Variants in GRIK2 observed in about 807,000 individuals in gnomAD.
GRIK2 encodes the protein glutamate receptor ionotropic, kainate 2.
A neutral mutation model predicts 100.3 loss-of-function variants in GRIK2; 32 were observed. The ratio of observed to expected loss-of-function variants is 0.32; its 90% CI spans 0.24 to 0.43. The LOEUF (loss-of-function observed/expected upper bound fraction) is 0.43, where lower values mean the gene tolerates loss of function less well. GRIK2 is among the 20% of genes least tolerant of loss of function. The pLI is 1.00. For synonymous variants in GRIK2, 417 were observed against 389.4 expected, an observed-to-expected ratio of 1.07 and a Z score of -0.83; for missense variants, 843 against 1,114.9, an observed-to-expected ratio of 0.76 and a Z score of 3.47.
At chr6:101,970,378 T>C (rs1173332754) in intron 14 of GRIK2, among the ~76,000 whole-genome samples, 1 of 152,020 alleles carries the variant, frequency 6.6e-6, no homozygotes, top group Non-Finnish European at 1.5e-5. Context: ...CAAATTTTAT[T>C]GAAGTAGCAG....
rs552301246 is a variant in GRIK2 at position 102,045,243 on chromosome 6, G to A, written c.2311+9677G>A. ...CAAATAAACAAGGTAATGTGTTACA[G>A]AATTATGTGACAGATGAAACTATAA... On this transcript the variant is annotated intron_variant, in intron 15 of 16. Transcript: ENST00000369134. Among the ~76,000 whole-genome samples the A allele has an allele frequency of 5.3e-5, 8 of 152,122 alleles. No individual in the cohort carries two copies. The East Asian group carries it at 1.4e-3, about 26-fold the overall frequency.
chr6:101,651,586 T>C (rs1431091889), intron 4 of GRIK2, among the ~76,000 whole-genome samples: 1 of 152,140 alleles, frequency 6.6e-6, no homozygotes, highest in East Asian at 1.9e-4. Context: ...AAGGGAGGGC[T>C]ACAATTTTAA....
intron 2 of GRIK2, among the ~76,000 whole-genome samples, chr6:101,579,868 A>G (rs1028970401): frequency 6.6e-6 from 1 of 150,842 alleles, no homozygotes; most frequent in African/African-American, 2.4e-5. Context: ...AAAAAAAAAA[A>G]GAAATGCATT....
chr6:101,870,154 A>T (rs1785310840), intron 11 of GRIK2, among the ~76,000 whole-genome samples: 2 of 151,906 alleles, frequency 1.3e-5, no homozygotes, highest in South Asian at 4.1e-4. Context: ...ATCTTTGTTC[A>T]CTGTAGATTA....
intron 14 of GRIK2, among the ~76,000 whole-genome samples, chr6:102,014,903 A>T (rs531657038): frequency 6.6e-6 from 1 of 152,238 alleles, no homozygotes; most frequent in South Asian, 2.1e-4. Flanking sequence ...AGAAGAATGT[A>T]TATTCTGTTG....
intron 10 of GRIK2, among the ~76,000 whole-genome samples, chr6:101,838,973 A>G (rs12210032): frequency 0.11 from 15,792 of 146,964 alleles, 1,067 homozygotes; most frequent in Admixed American, 0.17. Context: ...TTTCTTAAAA[A>G]TAGTCTGGAA....
At chr6:101,802,786 C>G (rs1780754819) in intron 9 of GRIK2, among the ~76,000 whole-genome samples, 1 of 151,756 alleles carries the variant, frequency 6.6e-6, no homozygotes, top group Non-Finnish European at 1.5e-5. Context: ...CTTATGGTTG[C>G]ATAGACTTTC....
chr6:101,710,725 T>C (rs529820298), intron 7 of GRIK2, among the ~76,000 whole-genome samples: 23 of 151,910 alleles, frequency 1.5e-4, no homozygotes, highest in African/African-American at 5.5e-4. Context: ...TAGGCTGTCT[T>C]CACCTGGGGT....
chr6:102,050,763 AAGG>A (rs762242782), intron 15 of GRIK2, among the ~76,000 whole-genome samples: 22 of 151,504 alleles, frequency 1.5e-4, no homozygotes, highest in Non-Finnish European at 2.9e-4. Flanking sequence ...GGAGGGAAAA[AAGG>A]AGAAAAGGAG....
intron 14 of GRIK2, among the ~76,000 whole-genome samples, chr6:102,005,695 C>A (rs12055471): frequency 1.3e-5 from 2 of 152,042 alleles, no homozygotes; most frequent in East Asian, 1.9e-4. Context: ...TTTGCTTTTA[C>A]GCCAAACCTC....
At chr6:101,851,262 T>G (rs1784111062) in intron 10 of GRIK2, among the ~76,000 whole-genome samples, 1 of 152,040 alleles carries the variant, frequency 6.6e-6, no homozygotes, top group Admixed American at 6.6e-5. Flanking sequence ...GGAAATCAAA[T>G]TAACAGGTAG....
At chr6:101,909,384 T>TTTTG (rs1554284541) in intron 12 of GRIK2, among the ~76,000 whole-genome samples, 8 of 138,528 alleles carry the variant, frequency 5.8e-5, no homozygotes, top group East Asian at 2.1e-4. Flanking sequence ...TTCTTTTTCT[T>TTTTG]TTTTTTTTTT....
At chr6:102,047,798 G>A (rs893654458) in intron 15 of GRIK2, among the ~76,000 whole-genome samples, 3 of 151,728 alleles carry the variant, frequency 2.0e-5, no homozygotes, top group South Asian at 4.2e-4. Flanking sequence ...GCTATCTACA[G>A]TTTTAATGTA....
intron 2 of GRIK2, among the ~76,000 whole-genome samples, chr6:101,476,903 G>A (rs751809483): frequency 2.0e-5 from 3 of 152,272 alleles, no homozygotes; most frequent in Non-Finnish European, 4.4e-5. Flanking sequence ...CCAAGGCGCA[G>A]TAGCATGGCC....
intron 7 of GRIK2, among the ~76,000 whole-genome samples, chr6:101,758,105 C>T (rs1777247132): frequency 6.6e-6 from 1 of 152,062 alleles, no homozygotes; most frequent in Non-Finnish European, 1.5e-5. Flanking sequence ...CACCTCTAGT[C>T]CCAGCTACTT....
intron 8 of GRIK2, among the ~76,000 whole-genome samples, chr6:101,800,801 G>A (rs776935165): frequency 2.6e-4 from 39 of 152,126 alleles, no homozygotes; most frequent in South Asian, 1.9e-3. Context: ...CAGGTCTGGC[G>A]AGATGAAGAA....
At chr6:101,623,099 T>A (rs892684712) in intron 3 of GRIK2, among the ~76,000 whole-genome samples, 5 of 152,090 alleles carry the variant, frequency 3.3e-5, no homozygotes, top group African/African-American at 1.2e-4. Context: ...GTAATGCTAA[T>A]ATGGTTTTAC....
At chr6:101,431,222 C>G in intron 2 of GRIK2, 1 of 182,784 alleles carries the variant, frequency 5.5e-6, no homozygotes. Context: ...CCATGTTGTA[C>G]CAGTTGGAAA....
intron 14 of GRIK2, among the ~76,000 whole-genome samples, chr6:102,031,937 AAG>A (rs1032375854): frequency 2.0e-5 from 3 of 151,466 alleles, no homozygotes; most frequent in South Asian, 2.1e-4. Context: ...TCCAAAAAGG[AAG>A]AGAGAGATCA....
Sources: allele counts gnomAD v4.1 joint callset (sites outside exome capture counted in the v4.1 genomes callset), GRCh38; gene constraint gnomAD v4.1.1; transcripts MANE v1.5; gene names NCBI Gene and HGNC (gene_info 2026-07-23, HGNC 2026-07-21).